FGGY: variants seen among roughly 807,000 people sequenced by gnomAD.
The protein encoded by FGGY is FGGY carbohydrate kinase domain containing, also known as FGGY carbohydrate kinase domain-containing protein.
In FGGY, 72 loss-of-function variants were observed where a neutral mutation model predicts 71.3. The ratio of observed to expected loss-of-function variants is 1.01; its 90% CI spans 0.84 to 1.23. The LOEUF (loss-of-function observed/expected upper bound fraction) is 1.23. FGGY is among the 50% of genes most tolerant of loss of function. FGGY has a pLI of 0.00. For synonymous variants in FGGY, 251 were observed against 250.3 expected, an observed-to-expected ratio of 1.00 and a Z score of -0.02; for missense variants, 668 against 682.3, an observed-to-expected ratio of 0.98 and a Z score of 0.23.
At chr1:59,589,909 C>A (rs1435528930) in intron 8 of FGGY, among the ~76,000 whole-genome samples, 5 of 152,002 alleles carry the variant, frequency 3.3e-5, no homozygotes, top group African/African-American at 1.2e-4. Flanking sequence ...CATTCAAAAG[C>A]TAGCAGAAGG....
At chr1:59,750,795 G>T (rs746043139) in intron 14 of FGGY, among the ~76,000 whole-genome samples, 16 of 152,118 alleles carry the variant, frequency 1.1e-4, no homozygotes, top group Non-Finnish European at 2.4e-4. Flanking sequence ...CTATGGAGGG[G>T]TCACGTGCCT....
At chr1:59,697,721 C>T (rs2097674311) in intron 14 of FGGY, 1 of 1,300,678 alleles carries the variant, frequency 7.7e-7, no homozygotes, top group South Asian at 1.2e-5. Flanking sequence ...ATCAGACTCT[C>T]TTCTTCCAGT....
intron 13 of FGGY, 70 bp downstream of exon 13, chr1:59,667,473 G>A: frequency 6.4e-7 from 1 of 1,574,654 alleles, no homozygotes. Flanking sequence ...CAAGTTCTGG[G>A]TGAAGTGAGA....
chr1:59,738,931 A>G (rs2098126199), intron 14 of FGGY, among the ~76,000 whole-genome samples: 1 of 152,202 alleles, frequency 6.6e-6, no homozygotes, highest in Non-Finnish European at 1.5e-5. Context: ...TTTCAGTACC[A>G]GATACAGGGG....
At chr1:59,640,855 A>G (rs1261011385) in intron 11 of FGGY, among the ~76,000 whole-genome samples, 1 of 151,168 alleles carries the variant, frequency 6.6e-6, no homozygotes, top group South Asian at 2.1e-4. Flanking sequence ...TTATTCATCA[A>G]ACAAATACAG....
chr1:59,625,762 C>T (rs564353621), intron 9 of FGGY, among the ~76,000 whole-genome samples: 2 of 152,254 alleles, frequency 1.3e-5, no homozygotes, highest in Admixed American at 1.3e-4. Flanking sequence ...GTTTACTCTT[C>T]TCTCTAAACT....
intron 5 of FGGY, among the ~76,000 whole-genome samples, chr1:59,388,062 A>T (rs1444625224): frequency 6.6e-6 from 1 of 152,114 alleles, no homozygotes; most frequent in Non-Finnish European, 1.5e-5. Flanking sequence ...AGTGTATAGA[A>T]CTTCTAATAT....
At chr1:59,653,574 G>A (rs569765075) in intron 11 of FGGY, among the ~76,000 whole-genome samples, 16 of 152,280 alleles carry the variant, frequency 1.1e-4, no homozygotes, top group Admixed American at 3.9e-4. Context: ...GACCCCTTGC[G>A]CTTCCCAGGT....
At chr1:59,534,394 T>G (rs962306839) in intron 7 of FGGY, among the ~76,000 whole-genome samples, 2 of 151,978 alleles carry the variant, frequency 1.3e-5, no homozygotes, top group African/African-American at 4.8e-5. Context: ...GGAACCAAGT[T>G]GAAAAACACT....
intron 7 of FGGY, among the ~76,000 whole-genome samples, chr1:59,550,057 A>G (rs2095584489): frequency 6.6e-6 from 1 of 152,192 alleles, no homozygotes; most frequent in African/African-American, 2.4e-5. Flanking sequence ...TCAGTTGGGC[A>G]TTGTGCAAGT....
intron 9 of FGGY, among the ~76,000 whole-genome samples, chr1:59,623,997 C>T (rs1435155917): frequency 2.0e-5 from 3 of 152,120 alleles, no homozygotes; most frequent in African/African-American, 7.2e-5. Flanking sequence ...CATTACTGTT[C>T]CCAGCGAGTT....
chr1:59,739,689 A>T (rs1194014731), intron 14 of FGGY, among the ~76,000 whole-genome samples: 1 of 151,574 alleles, frequency 6.6e-6, no homozygotes, highest in Admixed American at 6.6e-5. Context: ...TTTTTTTTTC[A>T]CTTTCCTCTT....
At chr1:59,625,128 A>G (rs189759689) in intron 9 of FGGY, among the ~76,000 whole-genome samples, 1 of 152,158 alleles carries the variant, frequency 6.6e-6, no homozygotes, top group Non-Finnish European at 1.5e-5. Context: ...AAATAAATCT[A>G]TCAGAATGGT....
chr1:59,331,134 G>C (rs835377), intron 2 of FGGY, among the ~76,000 whole-genome samples: 19,898 of 152,138 alleles, frequency 0.13, 1,451 homozygotes, highest in African/African-American at 0.19. Context: ...GAGACTGAGA[G>C]GCTTTAGGAA....
intron 14 of FGGY, among the ~76,000 whole-genome samples, chr1:59,739,240 G>A (rs892560474): frequency 2.0e-5 from 3 of 152,150 alleles, no homozygotes; most frequent in African/African-American, 7.2e-5. Flanking sequence ...TAATGTTTCA[G>A]CTTCAACTAA....
chr1:59,737,891 A>G (rs968166647), intron 14 of FGGY, among the ~76,000 whole-genome samples: 1 of 152,188 alleles, frequency 6.6e-6, no homozygotes, highest in African/African-American at 2.4e-5. Context: ...TCCCACCCAC[A>G]TCTCACCTTG....
chr1:59,333,196 C>T (rs79493490), intron 2 of FGGY, among the ~76,000 whole-genome samples: 2,545 of 152,328 alleles, frequency 0.017, 36 homozygotes, highest in East Asian at 0.05. Flanking sequence ...TATATTTTCT[C>T]ACCCAAGTCC....
rs139532660 is a variant in FGGY at position 59,423,031 on chromosome 1, C to T, written c.555-33930C>T. Among the ~76,000 whole-genome samples the T allele has an allele frequency of 6.6e-5, 10 of 152,236 alleles. No homozygotes were observed. In the East Asian group the frequency reaches 1.5e-3, roughly 24 times the overall value. On this transcript the variant is annotated intron_variant, in intron 5 of 15. Transcript: ENST00000303721. ...ATACTATTGTGCCAGGCAGCCTTTC[C>T]GAACACTCCAGCCTATTTCTCAATT...
chr1:59,333,418 T>C (rs1329609857), intron 2 of FGGY, among the ~76,000 whole-genome samples: 1 of 152,248 alleles, frequency 6.6e-6, no homozygotes, highest in African/African-American at 2.4e-5. Context: ...GTTGAGCTCA[T>C]CACACCTTAT....
Sources: gnomAD v4.1 joint callset for allele counts (sites outside exome capture counted in the v4.1 genomes callset) on GRCh38, gnomAD v4.1.1 for gene constraint, MANE v1.5 for transcripts, NCBI Gene and HGNC (gene_info 2026-07-23, HGNC 2026-07-21) for gene names.